Variants in CFAP57 observed in about 807,000 individuals in gnomAD.
CFAP57 encodes cilia and flagella associated protein 57.
In CFAP57, 116 loss-of-function variants were observed where a neutral mutation model predicts 146.8. The ratio of observed to expected loss-of-function variants is 0.79; its 90% CI spans 0.68 to 0.92. The LOEUF is 0.92. CFAP57 is among the 40% of genes least tolerant of loss of function. CFAP57 has a pLI of 0.00. For synonymous variants in CFAP57, 518 were observed against 552.8 expected (o/e 0.94, Z 0.88); for missense variants, 1,377 against 1,527.2 (o/e 0.90, Z 1.64).
At chr1:43,190,903 G>A (rs913531187) in intron 6 of CFAP57, among the ~76,000 whole-genome samples, 1 of 151,968 alleles carries the variant, frequency 6.6e-6, no homozygotes, top group South Asian at 2.1e-4. Context: ...GAGGATTTTT[G>A]TATCCATATT....
At chr1:43,193,096 C>A (rs1047403240) in intron 6 of CFAP57, among the ~76,000 whole-genome samples, 2 of 152,100 alleles carry the variant, frequency 1.3e-5, no homozygotes, top group Non-Finnish European at 1.5e-5. Flanking sequence ...GATGGGTTGA[C>A]CATTTTGCAT....
chr1:43,205,436 C>T (rs1380401072), intron 9 of CFAP57, among the ~76,000 whole-genome samples: 1 of 152,246 alleles, frequency 6.6e-6, no homozygotes. Flanking sequence ...CCAGGAGTAA[C>T]ATCCTCACTT....
chr1:43,232,316 T>A (rs1450639978), intron 18 of CFAP57, among the ~76,000 whole-genome samples, 192 bp from the exon 19 acceptor site: 1 of 152,092 alleles, frequency 6.6e-6, no homozygotes, highest in Non-Finnish European at 1.5e-5. Flanking sequence ...GTTTAGCATA[T>A]CAGTCTAGGG....
chr1:43,249,927 C>G (rs765740004), intron 22 of CFAP57, among the ~76,000 whole-genome samples: 1 of 152,122 alleles, frequency 6.6e-6, no homozygotes, highest in African/African-American at 2.4e-5. Context: ...AGCTTTATAA[C>G]CTTCTATGCC....
At chr1:43,244,902 CA>C (rs1646056773) in intron 22 of CFAP57, among the ~76,000 whole-genome samples, 1 of 151,664 alleles carries the variant, frequency 6.6e-6, no homozygotes. Flanking sequence ...GACTCCATCT[CA>C]AAAAACAAAA....
chr1:43,172,976 G>A (rs371647959), intron 2 of CFAP57, 66 bp downstream of exon 2: 1 of 1,442,088 alleles, frequency 6.9e-7, no homozygotes, highest in East Asian at 2.3e-5. Context: ...CATAATCCCA[G>A]CATGATGATT....
chr1:43,172,658 G>T, intron 1 of CFAP57, 77 bp from the exon 2 acceptor site: 1 of 1,437,904 alleles, frequency 7.0e-7, no homozygotes, highest in Non-Finnish European at 9.7e-7. Context: ...AGGGCGGGGA[G>T]GGCGAGTCCG....
chr1:43,200,308 A>T (rs540699968), intron 9 of CFAP57, among the ~76,000 whole-genome samples: 4 of 152,160 alleles, frequency 2.6e-5, no homozygotes, highest in Admixed American at 1.3e-4. Flanking sequence ...CAACATAAGG[A>T]GACCCTGTTT....
chr1:43,223,238 T>A (rs1404379514), intron 16 of CFAP57, among the ~76,000 whole-genome samples: 4 of 152,248 alleles, frequency 2.6e-5, no homozygotes, highest in African/African-American at 9.6e-5. Context: ...ATATTGGGGT[T>A]CCCTGTGTGC....
At chr1:43,176,841 G>A (rs1252216621) in intron 2 of CFAP57, among the ~76,000 whole-genome samples, 6 of 152,188 alleles carry the variant, frequency 3.9e-5, no homozygotes, top group Non-Finnish European at 8.8e-5. Flanking sequence ...TGAAGGAAAG[G>A]AAGGAGCTGG....
chr1:43,180,318 ATAATC>A (rs1252204048), intron 2 of CFAP57, among the ~76,000 whole-genome samples: 2 of 151,330 alleles, frequency 1.3e-5, no homozygotes, highest in Non-Finnish European at 1.5e-5. Context: ...AAAGAGGAAT[ATAATC>A]TAGGCTGGAT....
intron 11 of CFAP57, among the ~76,000 whole-genome samples, chr1:43,211,236 CAT>C: frequency 6.6e-6 from 1 of 152,194 alleles, no homozygotes; most frequent in African/African-American, 2.4e-5. Flanking sequence ...TTGTGGATAA[CAT>C]ATTTATTTTT....
At chr1:43,232,834 T>C (rs1181078620) in intron 19 of CFAP57, among the ~76,000 whole-genome samples, 2 of 152,212 alleles carry the variant, frequency 1.3e-5, no homozygotes, top group Non-Finnish European at 2.9e-5. Flanking sequence ...AAAATGACTT[T>C]GGGTAAGTGA....
intron 19 of CFAP57, 34 bp from the exon 20 acceptor site, chr1:43,234,245 C>G: frequency 3.9e-6 from 6 of 1,530,988 alleles, no homozygotes; most frequent in Non-Finnish European, 5.3e-6. Flanking sequence ...CGAGAGCACC[C>G]TACAGCACCA....
intron 12 of CFAP57, among the ~76,000 whole-genome samples, chr1:43,218,144 C>T (rs1311665177): frequency 6.6e-6 from 1 of 152,108 alleles, no homozygotes; most frequent in African/African-American, 2.4e-5. Context: ...AGGAGACAGA[C>T]CAGAAATGAT....
Position 43,241,344 on chromosome 1 carries a change from A to G in CFAP57, c.3406-1883A>G, listed in dbSNP as rs1645909017. On this transcript the variant is annotated intron_variant, in intron 21 of 22. Coordinates refer to ENST00000372492, the MANE Select transcript of CFAP57 (RefSeq NM_001378189.1). ...CAAACTATATTGTAAGGAATACTGA[A>G]ATTAAGTAATATACTGGAAGTCTAA... Among the ~76,000 whole-genome samples, 4 of 152,140 alleles carry G rather than the reference A, an allele frequency of 2.6e-5. No homozygotes were observed. In the South Asian group the frequency reaches 6.2e-4, roughly 24 times the overall value.
intron 13 of CFAP57, among the ~76,000 whole-genome samples, chr1:43,220,090 A>G (rs926735988): frequency 1.1e-4 from 16 of 152,270 alleles, no homozygotes; most frequent in African/African-American, 4.8e-5. Context: ...AATCTGATCT[A>G]TAGTAGTAAA....
At chr1:43,180,514 G>A (rs1455493706) in intron 2 of CFAP57, among the ~76,000 whole-genome samples, 1 of 151,930 alleles carries the variant, frequency 6.6e-6, no homozygotes, top group Non-Finnish European at 1.5e-5. Flanking sequence ...GTGATGTGAC[G>A]GGTCCCCATG....
chr1:43,234,555 C>G lies in CFAP57; in HGVS notation c.3322C>G (p.Leu1108Val). Residue 1108 changes from leucine to valine, a missense_variant, in exon 21 of 23, where the codon CTG becomes GTG. Leu to Val is a conservative substitution (Grantham distance 32). Transcript: ENST00000372492. Reference protein sequence around the residue: ...QQEYTRQREHLERNLATLKKK... With the variant: ...QQEYTRQREHVERNLATLKKK... The stretch of plus-strand genomic sequence containing the variant: ...GGAGTACACCCGGCAGCGGGAGCAC[C>G]TGGAGAGGAACCTGGCCACTCTCAA... 1 of 1,550,488 alleles carries G rather than the reference C, an allele frequency of 6.4e-7. No individual in the cohort carries two copies. The highest frequency in any genetic ancestry group is 8.7e-7 in the Non-Finnish European group (1 of 1,146,962).
Sources: gnomAD v4.1 joint callset for allele counts (sites outside exome capture counted in the v4.1 genomes callset) on GRCh38, gnomAD v4.1.1 for gene constraint, MANE v1.5 for transcripts, NCBI Gene and HGNC (gene_info 2026-07-23, HGNC 2026-07-21) for gene names.